PCDH7: variants seen among roughly 807,000 people sequenced by gnomAD.
PCDH7 encodes the protein protocadherin-7.
Under a neutral mutation model 58.9 loss-of-function variants are expected in PCDH7, and 17 were observed. The ratio of observed to expected loss-of-function variants is 0.29; its 90% CI spans 0.20 to 0.43. The LOEUF (loss-of-function observed/expected upper bound fraction) is 0.43, where lower values mean the gene tolerates loss of function less well. Ranked by LOEUF, PCDH7 falls within the 20% of genes least tolerant of loss-of-function variation. The pLI is 1.00. For missense variants in PCDH7, 1,274 were observed against 1,441.0 expected (o/e 0.88, Z 1.88); for synonymous variants, 664 against 616.4 (o/e 1.08, Z -1.14).
At chr4:30,946,452 G>T (rs77125609) in intron 2 of PCDH7, among the ~76,000 whole-genome samples, 3,962 of 151,864 alleles carry the variant, frequency 0.026, 166 homozygotes, top group African/African-American at 0.089. Flanking sequence ...AACAAACTTC[G>T]CTGACTCTCC....
At chr4:30,913,317 A>T (rs1296540315) in intron 1 of PCDH7, among the ~76,000 whole-genome samples, 1 of 152,076 alleles carries the variant, frequency 6.6e-6, no homozygotes, top group African/African-American at 2.4e-5. Flanking sequence ...AAAAAATAAT[A>T]AAAATGAAGT....
At chr4:30,856,315 C>T (rs1733451299) in intron 1 of PCDH7, among the ~76,000 whole-genome samples, 1 of 152,046 alleles carries the variant, frequency 6.6e-6, no homozygotes, top group Non-Finnish European at 1.5e-5. Context: ...ACAAATTCTT[C>T]TCCCACCACG....
chr4:30,737,356 TA>T (rs1716446204), downstream of PCDH7, among the ~76,000 whole-genome samples: 1 of 152,190 alleles, frequency 6.6e-6, no homozygotes, highest in Non-Finnish European at 1.5e-5. Context: ...TTCAATATAT[TA>T]TATTTAAAAT....
chr4:30,808,413 G>GT (rs1259491142), intron 1 of PCDH7, among the ~76,000 whole-genome samples: 2 of 152,000 alleles, frequency 1.3e-5, no homozygotes, highest in African/African-American at 4.8e-5. Flanking sequence ...TTTCTCTGCT[G>GT]TTTTTTTCTT....
chr4:31,090,185 G>T (rs965960324), intron 3 of PCDH7, among the ~76,000 whole-genome samples: 7 of 151,990 alleles, frequency 4.6e-5, no homozygotes, highest in African/African-American at 1.7e-4. Context: ...TAATGAGAGA[G>T]GATCCTTGGA....
intron 3 of PCDH7, among the ~76,000 whole-genome samples, chr4:31,013,903 A>G (rs1433884095): frequency 2.0e-5 from 3 of 152,154 alleles, no homozygotes; most frequent in African/African-American, 4.8e-5. Context: ...TGTAAGTGGA[A>G]CATATTTTTT....
chr4:31,040,020 T>G (rs1755724525), intron 3 of PCDH7, among the ~76,000 whole-genome samples: 2 of 152,192 alleles, frequency 1.3e-5, no homozygotes, highest in African/African-American at 4.8e-5. Flanking sequence ...TAGTGCTGCC[T>G]TCTTTATCAG....
At chr4:31,001,405 A>T (rs1038067705) in intron 3 of PCDH7, among the ~76,000 whole-genome samples, 1 of 152,176 alleles carries the variant, frequency 6.6e-6, no homozygotes, top group Non-Finnish European at 1.5e-5. Context: ...AAGATTAACA[A>T]GAGCACATAA....
chr4:31,036,358 G>T (rs1185027077), intron 3 of PCDH7, among the ~76,000 whole-genome samples: 1 of 152,038 alleles, frequency 6.6e-6, no homozygotes, highest in Admixed American at 6.6e-5. Context: ...GCTAATTTCT[G>T]TATTTTTAGT....
chr4:31,121,157 A>G (rs10028386), intron 3 of PCDH7, among the ~76,000 whole-genome samples: 85,100 of 152,054 alleles, frequency 0.56, 27,254 homozygotes, highest in African/African-American at 0.88. Flanking sequence ...GGGCTGATAC[A>G]TCCTTTGCAC....
intron 3 of PCDH7, among the ~76,000 whole-genome samples, chr4:31,102,330 G>A (rs1714997684): frequency 6.6e-6 from 1 of 152,130 alleles, no homozygotes; most frequent in Non-Finnish European, 1.5e-5. Context: ...TCTGGGGCTG[G>A]TGATATGAAC....
chr4:31,089,327 A>G (rs1712916373), intron 3 of PCDH7, among the ~76,000 whole-genome samples: 1 of 152,108 alleles, frequency 6.6e-6, no homozygotes, highest in Non-Finnish European at 1.5e-5. Context: ...AATACAGAAA[A>G]AACACATATG....
intron 1 of PCDH7, among the ~76,000 whole-genome samples, chr4:30,887,541 A>G (rs780502114): frequency 2.0e-5 from 3 of 152,222 alleles, no homozygotes; most frequent in Non-Finnish European, 2.9e-5. Flanking sequence ...CACATTCAGT[A>G]CATAGAGAAG....
At chr4:30,922,080 T>G (rs1743247732) in intron 2 of PCDH7, among the ~76,000 whole-genome samples, 1 of 151,730 alleles carries the variant, frequency 6.6e-6, no homozygotes, top group Admixed American at 6.6e-5. Flanking sequence ...TGTAGTCACA[T>G]GTACTATAGT....
chr4:30,721,856 C>T lies in PCDH7; in HGVS notation c.434C>T (p.Ser145Leu). ...AACGACAACACGCCCACCTTCCCGT[C>T]GCCCGTGCTCACGCTCACGGTGGAG... The change falls in exon 1 of 2, where the codon TCG becomes TTG. Residue 145 changes from serine (S) to leucine (L), a missense_variant. By Grantham distance (145) the Ser-to-Leu change is moderately radical. Around this residue, in one of 3 missense-constraint regions of PCDH7, gnomAD observed 212 missense variants for 255.8 expected, o/e 0.83. Coordinates refer to ENST00000361762, the Ensembl canonical transcript of PCDH7. The surrounding 1 kb of genome is among the most constrained non-coding windows in gnomAD (Gnocchi z 6.7). The T allele has an allele frequency of 1.2e-6, 2 of 1,605,904 alleles. No homozygotes were observed. Among genetic ancestry groups the T allele is most frequent in the Non-Finnish European group, 1.7e-6 (2 of 1,176,630 alleles).
At chr4:31,109,578 A>G (rs1716027087) in intron 3 of PCDH7, among the ~76,000 whole-genome samples, 1 of 152,194 alleles carries the variant, frequency 6.6e-6, no homozygotes, top group South Asian at 2.1e-4. Context: ...CTAGGTTTGA[A>G]TGTGTTTATT....
intron 3 of PCDH7, among the ~76,000 whole-genome samples, chr4:31,085,062 T>C (rs779346003): frequency 9.2e-5 from 14 of 152,104 alleles, no homozygotes; most frequent in Non-Finnish European, 1.8e-4. Context: ...TGCAGGAGAC[T>C]GGAGTTTTAT....
At chr4:30,950,776 C>CT (rs1328090071) in intron 3 of PCDH7, among the ~76,000 whole-genome samples, 1 of 152,142 alleles carries the variant, frequency 6.6e-6, no homozygotes, top group African/African-American at 2.4e-5. Context: ...CTTTCTGCAA[C>CT]TTTCTTTCGT....
At chr4:30,933,355 G>A (rs755451683) in intron 2 of PCDH7, among the ~76,000 whole-genome samples, 13 of 152,148 alleles carry the variant, frequency 8.5e-5, no homozygotes, top group Non-Finnish European at 1.5e-4. Flanking sequence ...ACTGAGGCCT[G>A]ATGAGGCTTG....
Sources: allele counts gnomAD v4.1 joint callset (sites outside exome capture counted in the v4.1 genomes callset), GRCh38; gene constraint gnomAD v4.1.1; regional missense constraint gnomAD v4.1.1; non-coding constraint Gnocchi (gnomAD v3.1); transcripts MANE v1.5; gene names NCBI Gene and HGNC (gene_info 2026-07-23, HGNC 2026-07-21).